PRKCQ: variants seen among roughly 807,000 people sequenced by gnomAD.
The protein encoded by PRKCQ is protein kinase C theta.
Under a neutral mutation model 91.2 loss-of-function variants are expected in PRKCQ, and 41 were observed. The ratio of observed to expected loss-of-function variants is 0.45; its 90% CI spans 0.35 to 0.58. The LOEUF (loss-of-function observed/expected upper bound fraction) is 0.58. Ranked by LOEUF, PRKCQ falls within the 20% of genes least tolerant of loss-of-function variation. PRKCQ has a pLI of 0.00. For missense variants in PRKCQ, 673 were observed against 896.5 expected (o/e 0.75, Z 3.18); for synonymous variants, 307 against 316.9 (o/e 0.97, Z 0.33).
intron 1 of PRKCQ, among the ~76,000 whole-genome samples, chr10:6,532,159 T>A (rs1839420690): frequency 6.6e-6 from 1 of 152,234 alleles, no homozygotes; most frequent in South Asian, 2.1e-4. Context: ...TGACTTGTAC[T>A]GATTTCTGAG....
At chr10:6,444,457 A>G (rs623158) in intron 15 of PRKCQ, among the ~76,000 whole-genome samples, 150,678 of 152,270 alleles carry the variant, frequency 0.99, 74,563 homozygotes, top group East Asian at 1. Flanking sequence ...CTAGGACATA[A>G]TAGTGGCACA....
intron 1 of PRKCQ, among the ~76,000 whole-genome samples, chr10:6,553,946 C>T (rs1016535044): frequency 1.4e-5 from 2 of 142,338 alleles, no homozygotes; most frequent in Non-Finnish European, 3.0e-5. Flanking sequence ...AGAAAGGTCT[C>T]TAGAACAAAA....
intron 1 of PRKCQ, among the ~76,000 whole-genome samples, chr10:6,523,110 A>G (rs553145486): frequency 1.3e-5 from 2 of 152,346 alleles, no homozygotes; most frequent in Admixed American, 6.5e-5. Context: ...TAAAGAGATT[A>G]AATATTAGCT....
chr10:6,533,410 T>C (rs1157595816), intron 1 of PRKCQ, among the ~76,000 whole-genome samples: 1 of 152,132 alleles, frequency 6.6e-6, no homozygotes, highest in Non-Finnish European at 1.5e-5. Context: ...TTGGCCAGGC[T>C]AGTCTTGAAC....
In PRKCQ at chr10:6,456,776, A is replaced by C. The variant is rs771157420; in HGVS notation, c.1545T>G (p.Asp515Glu). Residue 515 changes from aspartate (D) to glutamate (E), a missense_variant, in exon 15 of 18, where the codon GAT becomes GAG. Coordinates refer to ENST00000263125, the MANE Select transcript of PRKCQ (RefSeq NM_006257.5). ...CAAAATCCGCGATCTTGATATGTCC[A>C]TCTTTGTCTAACAGGATGTTATCTA... is the stretch of plus-strand genomic sequence containing the variant. ...LKLDNILLDK[D>E]GHIKIADFGM... 3.5e-5 allele frequency: 57 copies of C among 1,613,996 alleles called. No individual in the cohort carries two copies. The highest frequency in any genetic ancestry group is 4.6e-5 in the Non-Finnish European group (54 of 1,179,976).
chr10:6,449,329 A>G (rs1834517242), intron 15 of PRKCQ, among the ~76,000 whole-genome samples: 2 of 152,188 alleles, frequency 1.3e-5, no homozygotes, highest in South Asian at 4.2e-4. Context: ...AAGAAAGAGT[A>G]TCAGTGATGG....
chr10:6,414,556 A>G, the PRKCQ span, among the ~76,000 whole-genome samples: 1 of 152,204 alleles, frequency 6.6e-6, no homozygotes, highest in Non-Finnish European at 1.5e-5. Context: ...TTATAACTGC[A>G]TTCCATACAT....
the PRKCQ span, among the ~76,000 whole-genome samples, chr10:6,407,925 C>T: frequency 6.6e-6 from 1 of 151,974 alleles, no homozygotes; most frequent in Non-Finnish European, 1.5e-5. The surrounding 1 kb of genome is among the most constrained non-coding windows in gnomAD (Gnocchi z 4.0). Context: ...TGAAACTTCT[C>T]TAAAAATGTT....
At chr10:6,498,304 C>T (rs1252535181) in intron 5 of PRKCQ, 92 bp downstream of exon 5, 1 of 1,471,824 alleles carries the variant, frequency 6.8e-7, no homozygotes, top group East Asian at 2.3e-5. Flanking sequence ...TCCAGCACAC[C>T]CCCCACAGTG....
chr10:6,530,042 T>C (rs552204500), intron 1 of PRKCQ, among the ~76,000 whole-genome samples: 1 of 152,344 alleles, frequency 6.6e-6, no homozygotes, highest in Admixed American at 6.5e-5. Context: ...TTTTTGCTGT[T>C]AGTCACGAAG....
At chr10:6,476,667 G>T (rs561373754) in intron 12 of PRKCQ, among the ~76,000 whole-genome samples, 183 of 152,260 alleles carry the variant, frequency 1.2e-3, no homozygotes, top group African/African-American at 4.3e-3. Flanking sequence ...TTGGGTATTT[G>T]TGTTGTTTCC....
intron 15 of PRKCQ, among the ~76,000 whole-genome samples, chr10:6,443,162 C>G (rs1564298706): frequency 6.6e-6 from 1 of 152,146 alleles, no homozygotes; most frequent in Non-Finnish European, 1.5e-5. Context: ...GTTGATCTTT[C>G]AATGAATTCC....
intron 1 of PRKCQ, among the ~76,000 whole-genome samples, chr10:6,518,717 A>G (rs949156252): frequency 3.3e-5 from 5 of 152,116 alleles, no homozygotes; most frequent in African/African-American, 7.2e-5. Context: ...GCGACTCTGG[A>G]GGCTGAGGCA....
chr10:6,488,265 G>A (rs189830857), intron 8 of PRKCQ, among the ~76,000 whole-genome samples: 16 of 152,286 alleles, frequency 1.1e-4, no homozygotes, highest in Admixed American at 8.5e-4. Context: ...TTGCATAGAT[G>A]TAGATATTAA....
At chr10:6,395,609 C>T in the PRKCQ span, among the ~76,000 whole-genome samples, 1 of 152,080 alleles carries the variant, frequency 6.6e-6, no homozygotes. Flanking sequence ...TTTCTTAGCT[C>T]TACAAAGGCA....
intron 1 of PRKCQ, among the ~76,000 whole-genome samples, chr10:6,543,850 T>C (rs1839858720): frequency 6.6e-6 from 1 of 152,182 alleles, no homozygotes; most frequent in African/African-American, 2.4e-5. Context: ...CTGGCTGGGA[T>C]GACAGGGCCT....
intron 12 of PRKCQ, 115 bp from the exon 13 acceptor site, chr10:6,464,519 G>C (rs35896644): frequency 3.3e-5 from 27 of 828,126 alleles, no homozygotes; most frequent in Non-Finnish European, 5.2e-5. Context: ...GCGTGATCTC[G>C]GGTCACTGCA....
At chr10:6,444,323 G>T (rs1834126934) in intron 15 of PRKCQ, among the ~76,000 whole-genome samples, 1 of 152,116 alleles carries the variant, frequency 6.6e-6, no homozygotes, top group Non-Finnish European at 1.5e-5. Context: ...ACCCACCTCG[G>T]CCTCCAAAGT....
intron 1 of PRKCQ, among the ~76,000 whole-genome samples, chr10:6,567,540 G>A (rs1349011700): frequency 1.3e-5 from 2 of 152,224 alleles, no homozygotes; most frequent in Non-Finnish European, 2.9e-5. Context: ...CATTCCTCAG[G>A]AGGGAAATGT....
Sources: allele counts gnomAD v4.1 joint callset (sites outside exome capture counted in the v4.1 genomes callset), GRCh38; gene constraint gnomAD v4.1.1; non-coding constraint Gnocchi (gnomAD v3.1); transcripts MANE v1.5; gene names NCBI Gene and HGNC (gene_info 2026-07-23, HGNC 2026-07-21).